Variants in ZBTB16 observed in about 807,000 individuals in gnomAD.
The protein encoded by ZBTB16 is zinc finger and BTB domain containing 16.
Under a neutral mutation model 56.8 loss-of-function variants are expected in ZBTB16, and 8 were observed. That is an observed-to-expected ratio of 0.14 (90% CI 0.08 to 0.25). ZBTB16 has a LOEUF of 0.25. Among genes scored for constraint, ZBTB16 ranks in the 10% least tolerant of loss-of-function variants. The pLI, the probability that ZBTB16 is intolerant of heterozygous loss-of-function variation, is 1.00. For missense variants in ZBTB16, 625 were observed against 903.0 expected (o/e 0.69, Z 3.95); for synonymous variants, 363 against 368.5 (o/e 0.98, Z 0.17).
intron 4 of ZBTB16, among the ~76,000 whole-genome samples, chr11:114,190,710 C>G (rs1490097927): frequency 6.7e-6 from 1 of 149,438 alleles, no homozygotes; most frequent in Non-Finnish European, 1.5e-5. Context: ...ACTGGCATCA[C>G]TCATGCCACC....
chr11:114,192,029 G>C (rs2135076520), intron 4 of ZBTB16, among the ~76,000 whole-genome samples: 1 of 152,342 alleles, frequency 6.6e-6, no homozygotes, highest in Middle Eastern at 3.4e-3. Context: ...GTCTCTGACA[G>C]TTCTTTGGAT....
chr11:114,150,994 G>T (rs145566442), intron 2 of ZBTB16, among the ~76,000 whole-genome samples: 56 of 152,276 alleles, frequency 3.7e-4, no homozygotes, highest in African/African-American at 1.3e-3. Flanking sequence ...GGAGAGTGTT[G>T]GTTCTCATGG....
chr11:114,250,904 G>A lies in ZBTB16; in HGVS notation c.*349G>A, dbSNP rs1944906710. ...GAAATGGAGGCTAGAAAGCAGGTGA[G>A]AGGTCCTCTGGTCAGAGCCACACGG... On this transcript the variant is annotated 3_prime_UTR_variant, in exon 7 of 7. Transcript: ENST00000335953. This position sits in a 1 kb window ranked among gnomAD's most constrained non-coding sequence, Gnocchi z 6.0. Among the ~76,000 whole-genome samples, 1 of 152,186 alleles carries A rather than the reference G, an allele frequency of 6.6e-6. No individual in the cohort carries two copies. The highest frequency in any genetic ancestry group is 1.5e-5 in the Non-Finnish European group (1 of 68,042).
At chr11:114,125,779 C>T (rs1325879271) in intron 2 of ZBTB16, among the ~76,000 whole-genome samples, 1 of 152,104 alleles carries the variant, frequency 6.6e-6, no homozygotes, top group Admixed American at 6.6e-5. Context: ...TTGCTTTAGA[C>T]CTTTTTCGTT....
chr11:114,137,681 T>G (rs962751478), intron 2 of ZBTB16, among the ~76,000 whole-genome samples: 1 of 152,188 alleles, frequency 6.6e-6, no homozygotes, highest in East Asian at 1.9e-4. Flanking sequence ...ACCTGCCTAC[T>G]CTATTACAGT....
At chr11:114,108,153 G>A (rs1361535438) in intron 2 of ZBTB16, among the ~76,000 whole-genome samples, 1 of 152,114 alleles carries the variant, frequency 6.6e-6, no homozygotes, top group Non-Finnish European at 1.5e-5. Flanking sequence ...ACTTCTGTGT[G>A]TAAGACGGCA....
At chr11:114,130,887 C>T (rs2134859266) in intron 2 of ZBTB16, among the ~76,000 whole-genome samples, 1 of 152,318 alleles carries the variant, frequency 6.6e-6, no homozygotes, top group Non-Finnish European at 1.5e-5. Context: ...CATTTTCTGG[C>T]TAACTGAGGC....
intron 2 of ZBTB16, among the ~76,000 whole-genome samples, chr11:114,093,710 C>G (rs1053527258): frequency 6.6e-6 from 1 of 152,198 alleles, no homozygotes; most frequent in African/African-American, 2.4e-5. Flanking sequence ...AGGAAATGTT[C>G]CCATTCAGCC....
chr11:114,070,698 A>G (rs549251110), intron 2 of ZBTB16, among the ~76,000 whole-genome samples: 1 of 152,286 alleles, frequency 6.6e-6, no homozygotes, highest in Non-Finnish European at 1.5e-5. Flanking sequence ...CACCATGCCT[A>G]AGATACCACC....
At chr11:114,151,478 A>G (rs1591719508) in intron 2 of ZBTB16, among the ~76,000 whole-genome samples, 1 of 151,636 alleles carries the variant, frequency 6.6e-6, no homozygotes, top group African/African-American at 2.4e-5. Flanking sequence ...GAGCCCTCCC[A>G]TTCACTTTTC....
chr11:114,207,889 C>T (rs1943918839), intron 4 of ZBTB16, among the ~76,000 whole-genome samples: 1 of 152,240 alleles, frequency 6.6e-6, no homozygotes, highest in African/African-American at 2.4e-5. Flanking sequence ...GCTGGGATTA[C>T]AGGCGTGTGC....
chr11:114,148,336 G>GCTGGCTGGCTTGCTTCCTTC (rs1369514528), intron 2 of ZBTB16, among the ~76,000 whole-genome samples: 1 of 52,564 alleles, frequency 1.9e-5, no homozygotes, highest in Non-Finnish European at 4.0e-5. Flanking sequence ...TGGCTGGCTG[G>GCTGGCTGGCTTGCTTCCTTC]CTTCCTTCCT....
At chr11:114,116,960 A>T (rs555106441) in intron 2 of ZBTB16, among the ~76,000 whole-genome samples, 6 of 152,328 alleles carry the variant, frequency 3.9e-5, no homozygotes, top group Non-Finnish European at 8.8e-5. Flanking sequence ...AAGTGGTAAT[A>T]AAATGTAGAA....
intron 2 of ZBTB16, among the ~76,000 whole-genome samples, chr11:114,135,380 C>T (rs1941771347): frequency 6.6e-6 from 1 of 152,232 alleles, no homozygotes; most frequent in Non-Finnish European, 1.5e-5. Context: ...AAAGGAATGA[C>T]TTAAGGCTAT....
intron 2 of ZBTB16, among the ~76,000 whole-genome samples, chr11:114,124,485 A>T (rs983842820): frequency 2.0e-5 from 3 of 150,848 alleles, no homozygotes; most frequent in Non-Finnish European, 4.4e-5. Flanking sequence ...AGCCTTGCTA[A>T]GCTCTGGGAT....
intron 6 of ZBTB16, 131 bp downstream of exon 6, chr11:114,247,496 A>G (rs531848951): frequency 2.8e-4 from 376 of 1,337,390 alleles, no homozygotes; most frequent in African/African-American, 5.2e-4. Flanking sequence ...GGTTCTATTA[A>G]GAGCTGGTAT....
Position 114,063,322 on chromosome 11 carries a change from A to C in ZBTB16, c.22A>C (p.Met8Leu). The stretch of plus-strand genomic sequence containing the variant: ...CACCATGGATCTGACAAAAATGGGC[A>C]TGATCCAGCTGCAGAACCCTAGCCA... Reference protein sequence around the residue: MDLTKMGMIQLQNPSHPT... With the variant: MDLTKMGLIQLQNPSHPT... The change falls in exon 2 of 7, where the codon ATG becomes CTG. Residue 8 changes from methionine (M) to leucine (L), a missense_variant. Physicochemically the swap from Met to Leu is conservative, Grantham distance 15. This residue lies in a region of ZBTB16 where 54 missense variants were observed against 159.4 expected (regional missense o/e 0.34). Transcript: ENST00000335953. This position sits in a 1 kb window ranked among gnomAD's most constrained non-coding sequence, Gnocchi z 6.5. 1 of 1,614,006 alleles carries C rather than the reference A, an allele frequency of 6.2e-7. No individual in the cohort carries two copies. Among genetic ancestry groups the C allele is most frequent in the East Asian group, 2.2e-5 (1 of 44,854 alleles).
intron 3 of ZBTB16, among the ~76,000 whole-genome samples, chr11:114,174,687 C>T (rs936276533): frequency 5.3e-5 from 8 of 152,198 alleles, no homozygotes; most frequent in African/African-American, 1.9e-4. Context: ...TAGAAGGCTC[C>T]TGATGCTGTC....
chr11:114,207,253 A>T (rs1276858097), intron 4 of ZBTB16, among the ~76,000 whole-genome samples: 1 of 152,118 alleles, frequency 6.6e-6, no homozygotes, highest in South Asian at 2.1e-4. Context: ...TTATGAAAAA[A>T]ATGTATTAAT....
Sources: gnomAD v4.1 joint callset for allele counts (sites outside exome capture counted in the v4.1 genomes callset) on GRCh38, gnomAD v4.1.1 for gene constraint, gnomAD v4.1.1 regional missense constraint, Gnocchi (gnomAD v3.1) non-coding constraint, MANE v1.5 for transcripts, NCBI Gene and HGNC (gene_info 2026-07-23, HGNC 2026-07-21) for gene names.